Variants in SS18 observed in about 807,000 individuals in gnomAD.
SS18 encodes protein SSXT.
In SS18, 28 loss-of-function variants were observed where a neutral mutation model predicts 72.5. That is an observed-to-expected ratio of 0.39 (90% confidence interval 0.29 to 0.53). The LOEUF (loss-of-function observed/expected upper bound fraction) is 0.53, where lower values mean the gene tolerates loss of function less well. Among genes scored for constraint, SS18 ranks in the 20% least tolerant of loss-of-function variants. SS18 has a pLI of 0.76. For missense variants in SS18, 518 were observed against 535.3 expected, an observed-to-expected ratio of 0.97 and a Z score of 0.32; for synonymous variants, 172 against 164.2, an observed-to-expected ratio of 1.05 and a Z score of -0.37.
intron 4 of SS18, among the ~76,000 whole-genome samples, chr18:26,055,844 G>A (rs1354497712): frequency 4.1e-5 from 6 of 146,900 alleles, no homozygotes; most frequent in Middle Eastern, 3.5e-3. Flanking sequence ...TGCAACCTCC[G>A]CCTCCTGGGT....
intron 3 of SS18, among the ~76,000 whole-genome samples, chr18:26,066,510 T>C (rs574109110): frequency 1.2e-3 from 178 of 151,952 alleles, no homozygotes; most frequent in African/African-American, 4.1e-3. Flanking sequence ...AACCATGGAG[T>C]CATCCCTAAT....
At chr18:26,025,667 A>G (rs763183998) in intron 10 of SS18, among the ~76,000 whole-genome samples, 2 of 152,134 alleles carry the variant, frequency 1.3e-5, no homozygotes, top group African/African-American at 4.8e-5. Flanking sequence ...AATACCCCCT[A>G]TATTTCATAA....
At chr18:26,025,638 GA>G (rs1264015005) in intron 10 of SS18, among the ~76,000 whole-genome samples, 1 of 151,560 alleles carries the variant, frequency 6.6e-6, no homozygotes, top group Non-Finnish European at 1.5e-5. Flanking sequence ...ATTTACTCAA[GA>G]AAAAAATAGA....
At chr18:26,073,132 C>T (rs1258220332) in intron 3 of SS18, among the ~76,000 whole-genome samples, 1 of 151,582 alleles carries the variant, frequency 6.6e-6, no homozygotes, top group Non-Finnish European at 1.5e-5. Flanking sequence ...GAACTCAAAT[C>T]GTAAAATGTT....
At chr18:26,051,844 G>C (rs1267802876) in intron 5 of SS18, among the ~76,000 whole-genome samples, 1 of 152,016 alleles carries the variant, frequency 6.6e-6, no homozygotes, top group Non-Finnish European at 1.5e-5. Flanking sequence ...TTCATCATAA[G>C]GAATTATCAA....
At chr18:26,069,507 T>TAAAAAAA (rs11329781) in intron 3 of SS18, among the ~76,000 whole-genome samples, 10 of 85,916 alleles carry the variant, frequency 1.2e-4, no homozygotes, top group Non-Finnish European at 1.5e-4. Flanking sequence ...CCTACCAAAG[T>TAAAAAAA]AAAAAAAAAA....
chr18:26,059,494 A>C (rs2054082083), intron 3 of SS18, among the ~76,000 whole-genome samples: 1 of 152,240 alleles, frequency 6.6e-6, no homozygotes, highest in African/African-American at 2.4e-5. Flanking sequence ...TAGGAGGCTA[A>C]AGAGCTCAGC....
chr18:26,051,558 C>G (rs1418106549), intron 5 of SS18, among the ~76,000 whole-genome samples: 1 of 152,196 alleles, frequency 6.6e-6, no homozygotes, highest in Non-Finnish European at 1.5e-5. Flanking sequence ...TTTTCCTGTT[C>G]TCTCTCCTGG....
intron 2 of SS18, chr18:26,084,282 A>G (rs1027765571): frequency 6.6e-6 from 1 of 152,220 alleles, no homozygotes; most frequent in Non-Finnish European, 1.5e-5. Context: ...GAATGAAGGA[A>G]TAGGAAAAGA....
intron 10 of SS18, 40 bp downstream of exon 10, chr18:26,032,359 G>C: frequency 6.2e-7 from 1 of 1,603,658 alleles, no homozygotes; most frequent in Non-Finnish European, 8.5e-7. Context: ...CGAGAGTGAA[G>C]AAACAATGTG....
intron 3 of SS18, among the ~76,000 whole-genome samples, chr18:26,059,330 T>C (rs891295363): frequency 1.3e-5 from 2 of 151,976 alleles, no homozygotes; most frequent in African/African-American, 4.8e-5. Flanking sequence ...AACAGGGAAA[T>C]ACAGCTCAAG....
intron 10 of SS18, among the ~76,000 whole-genome samples, chr18:26,024,331 AC>A (rs144702781): frequency 0.059 from 8,918 of 152,204 alleles, 767 homozygotes; most frequent in African/African-American, 0.19. Flanking sequence ...TGATGGCTGC[AC>A]TTTTTTGGGG....
At chr18:26,040,089 C>G (rs1389521074) in intron 5 of SS18, among the ~76,000 whole-genome samples, 1 of 152,156 alleles carries the variant, frequency 6.6e-6, no homozygotes, top group Admixed American at 6.6e-5. Flanking sequence ...AATGGCTATA[C>G]TGCTTAATAT....
intron 10 of SS18, among the ~76,000 whole-genome samples, chr18:26,021,673 T>G (rs2053353108): frequency 6.6e-6 from 1 of 152,166 alleles, no homozygotes; most frequent in Non-Finnish European, 1.5e-5. Context: ...ATGAATGGGT[T>G]CAAAAGCTTT....
Position 26,035,156 on chromosome 18 carries a change from A to T in SS18, c.974-29T>A, listed in dbSNP as rs200776066. 1.2e-4 allele frequency: 189 copies of T among 1,608,948 alleles called. No homozygotes were observed. The highest frequency in any genetic ancestry group is 1.5e-4 in the Admixed American group (9 of 59,420). The stretch of plus-strand genomic sequence containing the variant: ...CAGGATAATTGGAGAAGAGGAAAAA[A>T]AACTGAGAAGTCTGCTTAAGTAACT... On this transcript the variant is annotated intron_variant, in intron 8 of 10. Transcript: ENST00000415083. This position sits in a 1 kb window ranked among gnomAD's most constrained non-coding sequence, Gnocchi z 4.4.
At chr18:26,072,509 A>G (rs1171345343) in intron 3 of SS18, among the ~76,000 whole-genome samples, 1 of 152,188 alleles carries the variant, frequency 6.6e-6, no homozygotes, top group Admixed American at 6.5e-5. Flanking sequence ...TACTAAAGAT[A>G]AGAAGGGATA....
intron 3 of SS18, among the ~76,000 whole-genome samples, chr18:26,062,932 ATT>A (rs1386934608): frequency 1.1e-4 from 17 of 152,196 alleles, no homozygotes. Context: ...ACAGTTGGAG[ATT>A]TTAAGATACT....
At chr18:26,053,277 A>T (rs1477785852) in intron 4 of SS18, among the ~76,000 whole-genome samples, 1 of 152,196 alleles carries the variant, frequency 6.6e-6, no homozygotes, top group Non-Finnish European at 1.5e-5. Flanking sequence ...TGGTATTGTG[A>T]CAACTGGGGA....
chr18:26,056,452 T>C (rs2054023017), intron 4 of SS18, among the ~76,000 whole-genome samples: 3 of 152,308 alleles, frequency 2.0e-5, no homozygotes, highest in Middle Eastern at 3.4e-3. Context: ...CCTACCTCCA[T>C]ACTGGATGTG....
Sources: allele counts gnomAD v4.1 joint callset (sites outside exome capture counted in the v4.1 genomes callset), GRCh38; gene constraint gnomAD v4.1.1; non-coding constraint Gnocchi (gnomAD v3.1); transcripts MANE v1.5; gene names NCBI Gene and HGNC (gene_info 2026-07-23, HGNC 2026-07-21).